The following PCDHGA10 variants were observed in gnomAD, a reference collection of about 807,000 sequenced individuals.
PCDHGA10 encodes protocadherin gamma-A10.
Under a neutral mutation model 59.5 loss-of-function variants are expected in PCDHGA10, and 42 were observed. The observed-to-expected ratio is 0.71, with a 90% CI of 0.55 to 0.91. The LOEUF (loss-of-function observed/expected upper bound fraction) is 0.91, where lower values mean the gene tolerates loss of function less well. Ranked by LOEUF, PCDHGA10 falls within the 40% of genes least tolerant of loss-of-function variation. PCDHGA10 has a pLI of 0.00. For missense variants in PCDHGA10, 1,111 were observed against 1,198.2 expected (o/e 0.93, Z 1.07); for synonymous variants, 511 against 517.2 (o/e 0.99, Z 0.16).
In PCDHGA10 at chr5:141,495,260, G is replaced by A. The variant is rs368797742; in HGVS notation, c.2495+395G>A. On this transcript the variant is annotated intron_variant, in intron 2 of 3. Transcript: ENST00000398610. ...TATGACCTGGGGCTCAGGCAGAAAA[G>A]CATTTGACCGGAGGAGGCGGTCCGC... Among the ~76,000 whole-genome samples the A allele has an allele frequency of 3.3e-5, 5 of 152,208 alleles. No individual in the cohort carries two copies. The East Asian group carries it at 5.8e-4, about 18-fold the overall frequency.
Position 141,485,011 on chromosome 5 carries a change from C to G in PCDHGA10, c.2437-9796C>G, listed in dbSNP as rs2099605048. 3.2e-6 allele frequency: 2 copies of G among 631,064 alleles called. No homozygotes were observed. The highest frequency in any genetic ancestry group is 5.5e-5 in the East Asian group (2 of 36,662). The allele number at this position is 631,064 out of a possible 1,614,324, so 39.1% of individuals were successfully genotyped here. A position where few individuals can be genotyped will look rare whatever the true frequency, so the allele number is the denominator to read the frequency against. Reference sequence around the variant, plus strand: ...TGGTGAAAGGCAGACAAATCTACCCCGCCACCAGCAAAAACGGCGCGTAAC... The same window carrying G: ...TGGTGAAAGGCAGACAAATCTACCCGGCCACCAGCAAAAACGGCGCGTAAC... On this transcript the variant is annotated intron_variant, in intron 1 of 3. Coordinates refer to ENST00000398610, the MANE Select transcript of PCDHGA10 (RefSeq NM_018913.3). This position sits in a 1 kb window ranked among gnomAD's most constrained non-coding sequence, Gnocchi z 5.7.
At chr5:141,496,760 G>A (rs144857340) in intron 2 of PCDHGA10, among the ~76,000 whole-genome samples, 4 of 152,108 alleles carry the variant, frequency 2.6e-5, no homozygotes, top group East Asian at 1.9e-4. Context: ...AATATTTATC[G>A]AGCATCTACT....
chr5:141,428,594 G>A (rs1317075888), intron 1 of PCDHGA10: 4 of 227,916 alleles, frequency 1.8e-5, no homozygotes, highest in African/African-American at 9.1e-5. Context: ...CTGGTAGCAA[G>A]CTTCACTGAA....
Position 141,489,092 on chromosome 5 carries a change from A to AATT in PCDHGA10, c.2437-5714_2437-5713insTTA. 2.9e-6 allele frequency: 1 copy of AATT among 348,332 alleles called. No individual in the cohort carries two copies. Among genetic ancestry groups the AATT allele is most frequent in the Non-Finnish European group, 4.7e-6 (1 of 214,538 alleles). 21.6% of individuals were successfully genotyped at this position (348,332 alleles called of 1,614,324 possible). A position where few individuals can be genotyped will look rare whatever the true frequency, so the allele number is the denominator to read the frequency against. On this transcript the variant is annotated intron_variant, in intron 1 of 3. Transcript: ENST00000398610. This position sits in a 1 kb window ranked among gnomAD's most constrained non-coding sequence, Gnocchi z 4.5. Reference sequence around the variant, plus strand: ...TGCCCACCCCCGCCACTCGGTGACTAAGAACTGCTGCAAGCAGGCAAACCT... The same window carrying AATT: ...TGCCCACCCCCGCCACTCGGTGACTAATTAGAACTGCTGCAAGCAGGCAAACCT...
At chr5:141,428,407 T>C in intron 1 of PCDHGA10, 1 of 470,350 alleles carries the variant, frequency 2.1e-6, no homozygotes, top group South Asian at 2.0e-5. Context: ...CTGGGGTTGC[T>C]TTCACCCTGG....
At position 141,421,672 on chromosome 5, in the gene PCDHGA10, C is replaced by T; in HGVS notation, c.2436+6061C>T. On this transcript the variant is annotated intron_variant, in intron 1 of 3. Coordinates refer to ENST00000398610, the MANE Select transcript of PCDHGA10 (RefSeq NM_018913.3). Reference sequence around the variant, plus strand: ...GATAAAAGTCAGTGAGCACGCAATTCCTGGGGCGCGATTTGCTCTTCCTAA... The same window carrying T: ...GATAAAAGTCAGTGAGCACGCAATTTCTGGGGCGCGATTTGCTCTTCCTAA... 4 of 1,613,862 alleles carry T rather than the reference C, an allele frequency of 2.5e-6. No individual in the cohort carries two copies. The highest frequency in any genetic ancestry group is 1.6e-4 in the Middle Eastern group (1 of 6,062).
intron 2 of PCDHGA10, among the ~76,000 whole-genome samples, chr5:141,499,937 C>T (rs1257575594): frequency 6.6e-6 from 1 of 152,082 alleles, no homozygotes; most frequent in Non-Finnish European, 1.5e-5. Context: ...ATCCACCCTC[C>T]TCGGCCTCCC....
intron 1 of PCDHGA10, among the ~76,000 whole-genome samples, chr5:141,472,310 G>A (rs2099276586): frequency 6.6e-6 from 1 of 152,040 alleles, no homozygotes; most frequent in Non-Finnish European, 1.5e-5. Flanking sequence ...GGGAAGCCGA[G>A]GCAGGCAGAT....
At chr5:141,457,356 C>G (rs2098917888) in intron 1 of PCDHGA10, among the ~76,000 whole-genome samples, 1 of 152,170 alleles carries the variant, frequency 6.6e-6, no homozygotes, top group South Asian at 2.1e-4. Context: ...TTACCTGGCA[C>G]AATTTGCAAA....
In PCDHGA10 at chr5:141,491,723, G is replaced by A. The variant is rs764792125; in HGVS notation, c.2437-3084G>A. The A allele has an allele frequency of 1.7e-5, 27 of 1,606,770 alleles. No individual in the cohort carries two copies. In the African/African-American group the frequency reaches 3.2e-4, roughly 19 times the overall value. On this transcript the variant is annotated intron_variant, in intron 1 of 3. Coordinates refer to ENST00000398610, the MANE Select transcript of PCDHGA10 (RefSeq NM_018913.3). The surrounding 1 kb of genome is among the most constrained non-coding windows in gnomAD (Gnocchi z 6.9). The stretch of plus-strand genomic sequence containing the variant: ...CAGGTGAGGGGCTCGGCGCCGCCCC[G>A]GGCGACCCCTGGGGGCGGCACTGGA...
At position 141,476,097 on chromosome 5, in the gene PCDHGA10, A is replaced by G. The variant is rs1366023758; in HGVS notation, c.2437-18710A>G. 1 of 1,571,812 alleles carries G rather than the reference A, an allele frequency of 6.4e-7. No individual in the cohort carries two copies. Among genetic ancestry groups the G allele is most frequent in the African/African-American group, 1.4e-5 (1 of 73,826 alleles). ...CAGGGACGATCTGGACCCCGCTGAG[A>G]GGAACTGCTTTTGAGTGAGATGGTC... On this transcript the variant is annotated intron_variant, in intron 1 of 3. Coordinates refer to ENST00000398610, the MANE Select transcript of PCDHGA10 (RefSeq NM_018913.3). The surrounding 1 kb of genome is among the most constrained non-coding windows in gnomAD (Gnocchi z 7.6).
intron 1 of PCDHGA10, among the ~76,000 whole-genome samples, chr5:141,463,505 G>A (rs1213601894): frequency 7.3e-6 from 1 of 137,472 alleles, no homozygotes; most frequent in Non-Finnish European, 1.5e-5. Flanking sequence ...CTGGAGTGAC[G>A]TGGCGTGATC....
At chr5:141,484,872 G>T in intron 1 of PCDHGA10, 1 of 319,608 alleles carries the variant, frequency 3.1e-6, no homozygotes, top group Non-Finnish European at 5.8e-6. Context: ...GGAGCGTGGA[G>T]GATAGGGTGG....
rs992592523 is a variant in PCDHGA10 at position 141,432,710 on chromosome 5, C to T, written c.2436+17099C>T. ...CGTAGTGGCCGTCCAGGACCACGGC[C>T]AGCCCCCTCTCTCCGCCACTGTCAC... On this transcript the variant is annotated intron_variant, in intron 1 of 3. Coordinates refer to ENST00000398610, the MANE Select transcript of PCDHGA10 (RefSeq NM_018913.3). This position sits in a 1 kb window ranked among gnomAD's most constrained non-coding sequence, Gnocchi z 6.0. The T allele has an allele frequency of 6.2e-7, 1 of 1,613,884 alleles. No homozygotes were observed.
chr5:141,505,803 C>A (rs920849273), intron 3 of PCDHGA10, among the ~76,000 whole-genome samples: 2 of 152,234 alleles, frequency 1.3e-5, no homozygotes, highest in African/African-American at 4.8e-5. Flanking sequence ...GGACTTGGAT[C>A]GACTTGCTCA....
intron 1 of PCDHGA10, chr5:141,419,577 C>T: frequency 3.7e-6 from 6 of 1,611,732 alleles, no homozygotes; most frequent in Non-Finnish European, 5.1e-6. Flanking sequence ...GACGGCTCCG[C>T]GCTCTTCGAC....
At position 141,476,114 on chromosome 5, in the gene PCDHGA10, G is replaced by C; in HGVS notation, c.2437-18693G>C. 3.8e-6 allele frequency: 6 copies of C among 1,592,296 alleles called. No homozygotes were observed. Among genetic ancestry groups the C allele is most frequent in the Non-Finnish European group, 5.1e-6 (6 of 1,171,536 alleles). On this transcript the variant is annotated intron_variant, in intron 1 of 3. Coordinates refer to ENST00000398610, the MANE Select transcript of PCDHGA10 (RefSeq NM_018913.3). This position sits in a 1 kb window ranked among gnomAD's most constrained non-coding sequence, Gnocchi z 7.6. Reference sequence around the variant, plus strand: ...CCGCTGAGAGGAACTGCTTTTGAGTGAGATGGTCCCAGAGGCCTGGAGGAG... The same window carrying C: ...CCGCTGAGAGGAACTGCTTTTGAGTCAGATGGTCCCAGAGGCCTGGAGGAG...
chr5:141,508,971 T>C (rs776443205), intron 3 of PCDHGA10, among the ~76,000 whole-genome samples: 14 of 152,004 alleles, frequency 9.2e-5, no homozygotes, highest in Non-Finnish European at 2.1e-4. Context: ...ATGAAAGGGC[T>C]GGGGGTGGGG....
intron 1 of PCDHGA10, chr5:141,422,068 T>C (rs1340696188): frequency 2.5e-6 from 4 of 1,612,076 alleles, no homozygotes; most frequent in Non-Finnish European, 3.4e-6. Flanking sequence ...AGTAATGTAT[T>C]CATTTCGGAA....
Sources: allele counts gnomAD v4.1 joint callset (sites outside exome capture counted in the v4.1 genomes callset), GRCh38; gene constraint gnomAD v4.1.1; non-coding constraint Gnocchi (gnomAD v3.1); transcripts MANE v1.5; gene names NCBI Gene and HGNC (gene_info 2026-07-23, HGNC 2026-07-21).